Variants in DOK5 observed in about 807,000 individuals in gnomAD.
DOK5 encodes the protein downstream of tyrosine kinase 5.
Under a neutral mutation model 43.3 loss-of-function variants are expected in DOK5, and 27 were observed. That is an observed-to-expected ratio of 0.62 (90% CI 0.46 to 0.86). The LOEUF (loss-of-function observed/expected upper bound fraction) is 0.86. DOK5 is among the 40% of genes least tolerant of loss of function. The pLI, the probability that DOK5 is intolerant of heterozygous loss-of-function variation, is 0.00. For synonymous variants in DOK5, 146 were observed against 140.1 expected (o/e 1.04, Z -0.30); for missense variants, 373 against 392.9 (o/e 0.95, Z 0.43).
intron 5 of DOK5, among the ~76,000 whole-genome samples, chr20:54,594,473 TG>T (rs1159124359): frequency 6.6e-6 from 1 of 152,160 alleles, no homozygotes; most frequent in African/African-American, 2.4e-5. Flanking sequence ...TTTTTCCCTT[TG>T]GGTCTCAGAA....
intron 6 of DOK5, among the ~76,000 whole-genome samples, chr20:54,622,648 G>T (rs1208001046): frequency 2.6e-5 from 4 of 152,118 alleles, no homozygotes; most frequent in African/African-American, 9.7e-5. Context: ...TGAGATGGGG[G>T]CTCCGTCAGT....
intron 7 of DOK5, among the ~76,000 whole-genome samples, chr20:54,647,652 G>A (rs1382254779): frequency 6.6e-6 from 1 of 151,814 alleles, no homozygotes; most frequent in Non-Finnish European, 1.5e-5. Flanking sequence ...CCCAAATTAT[G>A]TTCCTTGGAA....
intron 1 of DOK5, among the ~76,000 whole-genome samples, chr20:54,487,464 C>G (rs1981984192): frequency 1.3e-5 from 2 of 152,036 alleles, no homozygotes; most frequent in Non-Finnish European, 1.5e-5. Context: ...AGCAAAGTAA[C>G]TTAATTAATG....
At chr20:54,513,834 A>C (rs1444497325) in intron 1 of DOK5, among the ~76,000 whole-genome samples, 1 of 152,252 alleles carries the variant, frequency 6.6e-6, no homozygotes, top group East Asian at 1.9e-4. Flanking sequence ...ACAGTTTTCT[A>C]GGTGCTGAGA....
At chr20:54,523,666 C>T (rs761237595) in intron 1 of DOK5, among the ~76,000 whole-genome samples, 14 of 152,048 alleles carry the variant, frequency 9.2e-5, no homozygotes, top group Middle Eastern at 3.2e-3. Context: ...TCTGCAATGG[C>T]GCAATCTCGG....
chr20:54,476,674 T>C (rs897373667), intron 1 of DOK5, among the ~76,000 whole-genome samples: 2 of 152,128 alleles, frequency 1.3e-5, no homozygotes, highest in Non-Finnish European at 2.9e-5. Context: ...GTTATTTACG[T>C]GGAACCTGAT....
intron 1 of DOK5, among the ~76,000 whole-genome samples, chr20:54,517,594 G>T (rs1362564239): frequency 6.6e-6 from 1 of 152,128 alleles, no homozygotes; most frequent in African/African-American, 2.4e-5. Flanking sequence ...AACGATGAAG[G>T]TGCTGGTGGA....
chr20:54,514,602 T>TA (rs956717257), intron 1 of DOK5, among the ~76,000 whole-genome samples: 5 of 146,290 alleles, frequency 3.4e-5, no homozygotes, highest in African/African-American at 1.3e-4. Flanking sequence ...TTTTTTTTTT[T>TA]TTTTTGGCTA....
chr20:54,614,518 T>C (rs1986747424), intron 6 of DOK5, among the ~76,000 whole-genome samples: 1 of 152,232 alleles, frequency 6.6e-6, no homozygotes, highest in Non-Finnish European at 1.5e-5. Context: ...TCAATTAGCA[T>C]AAATTGTTTT....
chr20:54,502,719 T>A (rs978311447), intron 1 of DOK5, among the ~76,000 whole-genome samples: 1 of 152,354 alleles, frequency 6.6e-6, no homozygotes, highest in Non-Finnish European at 1.5e-5. Flanking sequence ...CTTGTGTCAC[T>A]TAATAAATTT....
chr20:54,539,277 T>C (rs1984061173), intron 1 of DOK5, among the ~76,000 whole-genome samples: 1 of 61,346 alleles, frequency 1.6e-5, no homozygotes, highest in African/African-American at 8.9e-5. Flanking sequence ...AGGCTCCATC[T>C]CCAAAAAAAA....
chr20:54,640,369 T>C (rs1292266156), intron 6 of DOK5, among the ~76,000 whole-genome samples: 1 of 152,182 alleles, frequency 6.6e-6, no homozygotes, highest in Non-Finnish European at 1.5e-5. Context: ...CTTGTGGCCC[T>C]CCACTGGTGG....
chr20:54,592,735 G>T (rs1986017153), intron 5 of DOK5, among the ~76,000 whole-genome samples: 1 of 151,932 alleles, frequency 6.6e-6, no homozygotes, highest in African/African-American at 2.4e-5. Flanking sequence ...TAGAGATGGG[G>T]TTTCACCGTG....
intron 1 of DOK5, among the ~76,000 whole-genome samples, chr20:54,480,250 T>G (rs1479239026): frequency 6.6e-6 from 1 of 152,168 alleles, no homozygotes; most frequent in East Asian, 1.9e-4. Context: ...TAAGGCATTC[T>G]AAGTCACAGG....
chr20:54,552,761 CTTTA>C (rs1363488726), intron 1 of DOK5, among the ~76,000 whole-genome samples: 3 of 152,086 alleles, frequency 2.0e-5, no homozygotes, highest in Non-Finnish European at 4.4e-5. Flanking sequence ...ATCTTAGCTT[CTTTA>C]TTTAGAACTA....
chr20:54,567,349 A>G (rs1985131942), intron 2 of DOK5, among the ~76,000 whole-genome samples: 1 of 152,016 alleles, frequency 6.6e-6, no homozygotes, highest in South Asian at 2.1e-4. Flanking sequence ...TTTGAGTTTA[A>G]TTTTTGTATT....
At chr20:54,643,105 C>T (rs2146830234) in intron 6 of DOK5, among the ~76,000 whole-genome samples, 1 of 152,284 alleles carries the variant, frequency 6.6e-6, no homozygotes, top group South Asian at 2.1e-4. Context: ...CACAAAAATG[C>T]TAACAATGTC....
Position 54,563,763 on chromosome 20 carries a change from G to C in DOK5, c.174+8723G>C, listed in dbSNP as rs562186580. 2.0e-5 allele frequency among the ~76,000 whole-genome samples: 3 copies of C among 148,090 alleles called. No individual in the cohort carries two copies. In the East Asian group the frequency reaches 6.0e-4, roughly 30 times the overall value. Reference sequence around the variant, plus strand: ...CTCTTGTCACACGTTCCATTGTTTCGAGAGAAACTGGAAGCAAAGATCTTT... The same window carrying C: ...CTCTTGTCACACGTTCCATTGTTTCCAGAGAAACTGGAAGCAAAGATCTTT... On this transcript the variant is annotated intron_variant, in intron 2 of 7. Coordinates refer to ENST00000262593, the MANE Select transcript of DOK5 (RefSeq NM_018431.5).
At chr20:54,630,367 T>C (rs1179885279) in intron 6 of DOK5, among the ~76,000 whole-genome samples, 1 of 152,118 alleles carries the variant, frequency 6.6e-6, no homozygotes, top group Non-Finnish European at 1.5e-5. Flanking sequence ...CAGAACAACA[T>C]GTAGAATGGA....
Sources: gnomAD v4.1 joint callset for allele counts (sites outside exome capture counted in the v4.1 genomes callset) on GRCh38, gnomAD v4.1.1 for gene constraint, MANE v1.5 for transcripts, NCBI Gene and HGNC (gene_info 2026-07-23, HGNC 2026-07-21) for gene names.